PTPRK: variants seen among roughly 807,000 people sequenced by gnomAD.
The protein encoded by PTPRK is protein tyrosine phosphatase receptor type K.
In PTPRK, 75 loss-of-function variants were observed where a neutral mutation model predicts 178.0. The ratio of observed to expected loss-of-function variants is 0.42; its 90% CI spans 0.35 to 0.51. PTPRK has a LOEUF of 0.51. Ranked by LOEUF, PTPRK falls within the 20% of genes least tolerant of loss-of-function variation. The pLI, the probability that PTPRK is intolerant of heterozygous loss-of-function variation, is 0.02. For synonymous variants in PTPRK, 637 were observed against 620.6 expected (o/e 1.03, Z -0.39); for missense variants, 1,441 against 1,797.8 (o/e 0.80, Z 3.59).
intron 15 of PTPRK, among the ~76,000 whole-genome samples, chr6:128,002,733 TA>T (rs1562414822): frequency 6.6e-6 from 1 of 151,940 alleles, no homozygotes; most frequent in East Asian, 1.9e-4. Flanking sequence ...ACATTCTTAA[TA>T]AAGACAAAAG....
intron 1 of PTPRK, among the ~76,000 whole-genome samples, chr6:128,472,426 C>CA (rs1340735667): frequency 6.7e-6 from 1 of 149,166 alleles, no homozygotes; most frequent in African/African-American, 2.5e-5. Context: ...TGACACCCCC[C>CA]CCCCCTTTAG....
intron 5 of PTPRK, among the ~76,000 whole-genome samples, chr6:128,238,341 T>C (rs1813737381): frequency 1.4e-5 from 2 of 146,456 alleles, no homozygotes; most frequent in Middle Eastern, 3.5e-3. Flanking sequence ...ATCTACAAAA[T>C]AGAAAGCAAA....
intron 1 of PTPRK, among the ~76,000 whole-genome samples, chr6:128,505,293 T>C (rs1856163036): frequency 6.7e-6 from 1 of 150,256 alleles, no homozygotes; most frequent in East Asian, 2.0e-4. Context: ...AATAGAAAAT[T>C]AGCCATGCGT....
At chr6:128,380,877 T>C (rs953698284) in intron 2 of PTPRK, among the ~76,000 whole-genome samples, 4 of 152,198 alleles carry the variant, frequency 2.6e-5, no homozygotes, top group Non-Finnish European at 4.4e-5. Flanking sequence ...TACTCAAATA[T>C]GTAGAATCCA....
chr6:128,363,193 T>C (rs1424577092), intron 2 of PTPRK, among the ~76,000 whole-genome samples: 3 of 152,150 alleles, frequency 2.0e-5, no homozygotes, highest in Non-Finnish European at 4.4e-5. Flanking sequence ...AGTTAGATGG[T>C]ATAATGTCAC....
chr6:128,316,729 T>A (rs28534696), intron 3 of PTPRK, among the ~76,000 whole-genome samples: 7 of 82,212 alleles, frequency 8.5e-5, no homozygotes, highest in South Asian at 4.3e-4. Context: ...TTTTTTTTTT[T>A]AAATTTGAGA....
chr6:128,372,099 G>A (rs910050644), intron 2 of PTPRK, among the ~76,000 whole-genome samples: 1 of 152,204 alleles, frequency 6.6e-6, no homozygotes, highest in Non-Finnish European at 1.5e-5. Flanking sequence ...TCCAGTTACT[G>A]CTTTTTCTCT....
At chr6:128,180,981 G>C (rs140640888) in intron 7 of PTPRK, among the ~76,000 whole-genome samples, 2 of 151,998 alleles carry the variant, frequency 1.3e-5, no homozygotes, top group African/African-American at 4.8e-5. Context: ...ACAAGTTACT[G>C]TTTTGTTTTT....
intron 13 of PTPRK, among the ~76,000 whole-genome samples, chr6:128,013,521 G>A (rs752520713): frequency 1.6e-4 from 24 of 151,302 alleles, no homozygotes; most frequent in Non-Finnish European, 1.0e-4. Context: ...TCTTTTTCTA[G>A]TGTATCCCCT....
At chr6:128,132,633 CA>C (rs1470101802) in intron 7 of PTPRK, among the ~76,000 whole-genome samples, 1 of 152,162 alleles carries the variant, frequency 6.6e-6, no homozygotes, top group Admixed American at 6.6e-5. Context: ...ACTATGTGAA[CA>C]AAACATAAGT....
At chr6:128,219,427 G>C (rs1312223157) in intron 5 of PTPRK, among the ~76,000 whole-genome samples, 1 of 152,180 alleles carries the variant, frequency 6.6e-6, no homozygotes, top group Non-Finnish European at 1.5e-5. Flanking sequence ...TGCATTCACA[G>C]TTCACAGTAG....
intron 1 of PTPRK, among the ~76,000 whole-genome samples, chr6:128,411,134 T>A (rs888820114): frequency 2.0e-5 from 3 of 151,992 alleles, no homozygotes; most frequent in African/African-American, 7.2e-5. Flanking sequence ...CTCATGCGAT[T>A]CACTCACCTC....
chr6:128,019,662 C>T (rs1045823941), intron 13 of PTPRK, among the ~76,000 whole-genome samples: 3 of 152,120 alleles, frequency 2.0e-5, no homozygotes, highest in Admixed American at 2.0e-4. Flanking sequence ...GTACCTGGCA[C>T]ACTTCTAGGG....
chr6:128,036,994 A>C (rs1776339414), intron 13 of PTPRK, among the ~76,000 whole-genome samples: 1 of 152,104 alleles, frequency 6.6e-6, no homozygotes. Context: ...GGCCTCCCAA[A>C]GTACTGGGAT....
intron 1 of PTPRK, among the ~76,000 whole-genome samples, chr6:128,432,662 C>G (rs958932371): frequency 2.6e-5 from 4 of 151,948 alleles, no homozygotes; most frequent in African/African-American, 9.7e-5. Context: ...AAGGGCTCAG[C>G]TGAGTCTTTT....
chr6:128,240,187 A>C, intron 4 of PTPRK, 37 bp from the exon 5 acceptor site: 1 of 1,460,990 alleles, frequency 6.8e-7, no homozygotes. Context: ...ATTTGTTTTC[A>C]CATGAAGAAA....
chr6:128,505,651 T>C (rs997564445), intron 1 of PTPRK, among the ~76,000 whole-genome samples: 4 of 152,128 alleles, frequency 2.6e-5, no homozygotes, highest in African/African-American at 9.7e-5. Flanking sequence ...CAGGGATTTC[T>C]AACATCTGGA....
chr6:128,498,886 G>T (rs1018318298), intron 1 of PTPRK, among the ~76,000 whole-genome samples: 2 of 152,132 alleles, frequency 1.3e-5, no homozygotes, highest in Non-Finnish European at 2.9e-5. Context: ...TTGATTGGAG[G>T]TTTTGTGTAT....
chr6:128,479,604 C>T (rs769735105), intron 1 of PTPRK, among the ~76,000 whole-genome samples: 2 of 152,128 alleles, frequency 1.3e-5, no homozygotes, highest in Non-Finnish European at 2.9e-5. Context: ...TAGGTTTTCA[C>T]TCTCTGCCTT....
Sources: gnomAD v4.1 joint callset for allele counts (sites outside exome capture counted in the v4.1 genomes callset) on GRCh38, gnomAD v4.1.1 for gene constraint, MANE v1.5 for transcripts, NCBI Gene and HGNC (gene_info 2026-07-23, HGNC 2026-07-21) for gene names.